WDR4: variants seen among roughly 807,000 people sequenced by gnomAD.
WDR4 encodes WDR4 tRNA N7-guanosine methyltransferase non-catalytic subunit, also known as tRNA (guanine-N(7)-)-methyltransferase non-catalytic subunit WDR4.
In WDR4, 47 loss-of-function variants were observed where a neutral mutation model predicts 48.6. The observed-to-expected ratio is 0.97, with a 90% confidence interval of 0.77 to 1.23. WDR4 has a LOEUF of 1.23. Ranked by LOEUF, WDR4 falls within the 50% of genes most tolerant of loss-of-function variation. The pLI is 0.00. For synonymous variants in WDR4, 268 were observed against 230.0 expected (o/e 1.17, Z -1.49); for missense variants, 606 against 551.6 (o/e 1.10, Z -0.99).
chr21:42,890,801 A>G, the WDR4 span, among the ~76,000 whole-genome samples: 1 of 100,442 alleles, frequency 1.0e-5, no homozygotes, highest in Non-Finnish European at 2.1e-5. Flanking sequence ...ATTGGAAAAT[A>G]CAATAATGTA....
rs1198262502 is a variant in WDR4, at chr21:42,879,457, C to T, written c.39G>A (p.Thr13=). The T allele has an allele frequency of 3.1e-6, 5 of 1,613,816 alleles. No homozygotes were observed. The Admixed American group carries it at 5.0e-5, about 16-fold the overall frequency. The part of the protein sequence containing the change: ...GSVGLALCGQ[T]LVVRGGSRFL... ...ATCGGCTGCCGCCCCGCACCACCAA[C>T]GTCTGCCCGCACAACGCCAGTCCCA... Residue 13 remains threonine, a synonymous_variant, in exon 1 of 11, where the codon ACG becomes ACA. Coordinates refer to ENST00000398208, the MANE Select transcript of WDR4 (RefSeq NM_018669.6).
chr21:42,865,936 A>G (rs1369081458), intron 3 of WDR4, among the ~76,000 whole-genome samples: 2 of 152,072 alleles, frequency 1.3e-5, no homozygotes, highest in Non-Finnish European at 2.9e-5. Flanking sequence ...CCGCCTGGGC[A>G]GCCCCAACAG....
upstream of WDR4, among the ~76,000 whole-genome samples, chr21:42,880,022 TG>T (rs1233023006): frequency 2.6e-5 from 4 of 151,522 alleles, no homozygotes; most frequent in Non-Finnish European, 5.9e-5. Flanking sequence ...CCCAACTACT[TG>T]GGAGGCTGAG....
At chr21:42,869,605 G>C (rs2058323141) in intron 3 of WDR4, among the ~76,000 whole-genome samples, 1 of 152,006 alleles carries the variant, frequency 6.6e-6, no homozygotes, top group South Asian at 2.1e-4. Context: ...TAAAACTAAA[G>C]TGTCCAAATA....
intron 1 of WDR4, among the ~76,000 whole-genome samples, chr21:42,877,624 T>C (rs888907221): frequency 3.9e-5 from 6 of 152,136 alleles, no homozygotes; most frequent in Admixed American, 1.3e-4. Context: ...TAATCTCTTA[T>C]TGGAGTACGT....
intron 5 of WDR4, among the ~76,000 whole-genome samples, chr21:42,860,183 G>A (rs1358132423): frequency 1.3e-5 from 2 of 152,156 alleles, no homozygotes; most frequent in Non-Finnish European, 2.9e-5. Context: ...ACAGGGAGGA[G>A]GGTGGAGGGA....
At chr21:42,887,819 G>A in the WDR4 span, among the ~76,000 whole-genome samples, 2 of 140,904 alleles carry the variant, frequency 1.4e-5, no homozygotes, top group African/African-American at 5.9e-5. Context: ...TCGGGAGGCT[G>A]AGGCAGGAGA....
At chr21:42,865,715 C>T (rs1601153400) in intron 3 of WDR4, among the ~76,000 whole-genome samples, 1 of 152,204 alleles carries the variant, frequency 6.6e-6, no homozygotes, top group East Asian at 1.9e-4. Flanking sequence ...AGGCACAACC[C>T]CGCCCGCCCT....
At chr21:42,848,701 G>A (rs1276732301), downstream of WDR4, among the ~76,000 whole-genome samples, 2 of 102,158 alleles carry the variant, frequency 2.0e-5, no homozygotes, top group African/African-American at 3.9e-5. Context: ...ATCACGCGGC[G>A]CACACCTCAC....
chr21:42,852,307 G>C lies in WDR4; in HGVS notation c.993C>G (p.Thr331=), dbSNP rs770120972. 4 of 1,613,978 alleles carry C rather than the reference G, an allele frequency of 2.5e-6. No individual in the cohort carries two copies. The highest frequency in any genetic ancestry group is 1.3e-5 in the African/African-American group (1 of 74,922). The change falls in exon 10 of 11, where the codon ACC becomes ACG. Residue 331 remains threonine, a synonymous_variant. Transcript: ENST00000398208. ...GAACACCAGAGACTTTCTTTAACACGGTGCTCTCAGGAACAGACTGCAGGC... is the reference window on the plus strand; with the variant it reads ...GAACACCAGAGACTTTCTTTAACACCGTGCTCTCAGGAACAGACTGCAGGC... ...GDQWQSVPES[T]VLKKVSGVLR...
chr21:42,864,130 A>G (rs909032755), intron 3 of WDR4, among the ~76,000 whole-genome samples: 1 of 142,044 alleles, frequency 7.0e-6, no homozygotes. Flanking sequence ...AAAAAAAAAA[A>G]GAAAAGAATA....
At chr21:42,890,454 T>A in the WDR4 span, among the ~76,000 whole-genome samples, 1 of 152,104 alleles carries the variant, frequency 6.6e-6, no homozygotes, top group Non-Finnish European at 1.5e-5. Flanking sequence ...AAGAATCTCT[T>A]GAACCCAGGA....
At chr21:42,865,037 C>A (rs1330989566) in intron 3 of WDR4, among the ~76,000 whole-genome samples, 1 of 152,166 alleles carries the variant, frequency 6.6e-6, no homozygotes, top group Non-Finnish European at 1.5e-5. Context: ...GGAACGCTGT[C>A]CTCAATGAGG....
At chr21:42,868,720 GAGGGGCTGGGAACTAAA>G (rs377740601) in intron 3 of WDR4, among the ~76,000 whole-genome samples, 15 of 152,238 alleles carry the variant, frequency 9.9e-5, no homozygotes, top group African/African-American at 3.4e-4. Flanking sequence ...TCCACCTCTG[GAGGGGCTGGGAACTAAA>G]AGTCAGCCAC....
chr21:42,866,987 C>T (rs926149680), intron 3 of WDR4, among the ~76,000 whole-genome samples: 3 of 152,260 alleles, frequency 2.0e-5, no homozygotes, highest in Admixed American at 6.5e-5. Flanking sequence ...ACCATCGAGG[C>T]GGGATTTTGT....
chr21:42,874,598 C>A (rs1015431400), intron 2 of WDR4, among the ~76,000 whole-genome samples: 22 of 152,052 alleles, frequency 1.4e-4, no homozygotes, highest in African/African-American at 5.1e-4. Context: ...GAGAATGCGC[C>A]CCTGAGGGTG....
At chr21:42,870,764 G>A (rs189800889) in intron 3 of WDR4, among the ~76,000 whole-genome samples, 82 of 152,202 alleles carry the variant, frequency 5.4e-4, no homozygotes, top group African/African-American at 1.9e-3. Context: ...ACTCCAGCCT[G>A]GGAAACAAGA....
chr21:42,875,752 TAACTA>T (rs1045175911), intron 2 of WDR4, among the ~76,000 whole-genome samples: 137 of 152,216 alleles, frequency 9.0e-4, no homozygotes, highest in African/African-American at 3.1e-3. Flanking sequence ...ATACCAATGA[TAACTA>T]AAGAAAGCCA....
chr21:42,863,392 C>A, intron 4 of WDR4, 48 bp downstream of exon 4: 2 of 1,581,890 alleles, frequency 1.3e-6, no homozygotes, highest in Non-Finnish European at 8.6e-7. Context: ...CCCCATGTAC[C>A]GTGTCCCACA....
Sources: allele counts gnomAD v4.1 joint callset (sites outside exome capture counted in the v4.1 genomes callset), GRCh38; gene constraint gnomAD v4.1.1; transcripts MANE v1.5; gene names NCBI Gene and HGNC (gene_info 2026-07-23, HGNC 2026-07-21).